RYR2: variants seen among roughly 807,000 people sequenced by gnomAD.
The protein encoded by RYR2 is ryanodine receptor 2, also known as cardiac muscle ryanodine receptor-calcium release channel.
In RYR2, 227 loss-of-function variants were observed where a neutral mutation model predicts 601.1. The ratio of observed to expected loss-of-function variants is 0.38; its 90% CI spans 0.34 to 0.42. The LOEUF (loss-of-function observed/expected upper bound fraction) is 0.42. Ranked by LOEUF, RYR2 falls within the 10% of genes least tolerant of loss-of-function variation. The probability of loss-of-function intolerance (pLI) is 1.00; values close to 1 mark genes in which losing one functional copy is unlikely to be tolerated. For missense variants in RYR2, 4,646 were observed against 6,156.5 expected, an observed-to-expected ratio of 0.75 and a Z score of 8.21; for synonymous variants, 2,223 against 2,175.1, an observed-to-expected ratio of 1.02 and a Z score of -0.61.
At chr1:237,248,062 A>G (rs878935851) in intron 1 of RYR2, among the ~76,000 whole-genome samples, 2 of 152,140 alleles carry the variant, frequency 1.3e-5, no homozygotes, top group Admixed American at 1.3e-4. Context: ...TCACGAGGTC[A>G]GAAGTTTGAG....
In RYR2 at chr1:237,792,207, G is replaced by A. The variant is rs189345192; in HGVS notation, c.13666G>A (p.Ala4556Thr). The A allele has an allele frequency of 1.3e-5, 21 of 1,613,644 alleles. No homozygotes were observed. Among genetic ancestry groups the A allele is most frequent in the South Asian group, 3.3e-5 (3 of 91,052 alleles). The change falls in exon 94 of 105, where the codon GCA becomes ACA. Residue 4556 changes from alanine (A) to threonine (T), a missense_variant. Transcript: ENST00000366574. The stretch of plus-strand genomic sequence containing the variant: ...GGACAGCAGCTCCCATAGAATCATC[G>A]CAGTTCACTATGTACTAGAGGAGAG... The part of the protein sequence containing the change: ...SLDSSSHRII[A>T]VHYVLEESSG...
rs1675030908 is a variant in RYR2, at chr1:237,590,489, C to T, written c.3808-151C>T. 7 of 575,444 alleles carry T rather than the reference C, an allele frequency of 1.2e-5. No homozygotes were observed. In the Admixed American group the frequency reaches 1.9e-4, roughly 16 times the overall value. The allele number at this position is 575,444 out of a possible 1,614,324, so 35.6% of individuals were successfully genotyped here. A position where few individuals can be genotyped will look rare whatever the true frequency, so the allele number is the denominator to read the frequency against. ...CAGAACTCTATGACTATATCCATAGCACAGTAATCTGTTTAATCATCTCTT... is the reference window on the plus strand; with the variant it reads ...CAGAACTCTATGACTATATCCATAGTACAGTAATCTGTTTAATCATCTCTT... On this transcript the variant is annotated intron_variant, in intron 30 of 104. Transcript: ENST00000366574.
At chr1:237,223,778 G>T (rs1400389778) in intron 1 of RYR2, among the ~76,000 whole-genome samples, 1 of 152,124 alleles carries the variant, frequency 6.6e-6, no homozygotes, top group Non-Finnish European at 1.5e-5. Flanking sequence ...TTGAAGAGCA[G>T]GTCTGAGTAA....
chr1:237,417,180 T>C (rs1052592946), intron 11 of RYR2, 57 bp downstream of exon 11: 21 of 1,368,118 alleles, frequency 1.5e-5, no homozygotes, highest in Admixed American at 3.5e-5. Context: ...TAGCTCAGCG[T>C]TGTGCTTCTG....
chr1:237,339,509 A>G (rs1315207938), intron 3 of RYR2, among the ~76,000 whole-genome samples: 1 of 152,174 alleles, frequency 6.6e-6, no homozygotes, highest in Non-Finnish European at 1.5e-5. Flanking sequence ...AGATAACCAC[A>G]GCTAAAAGAT....
chr1:237,301,735 G>T (rs188852844), intron 2 of RYR2, among the ~76,000 whole-genome samples: 1 of 152,266 alleles, frequency 6.6e-6, no homozygotes, highest in African/African-American at 2.4e-5. Flanking sequence ...CAGAGTTAAA[G>T]TGCTTGCCTT....
At chr1:237,201,912 G>C (rs1202730446) in intron 1 of RYR2, among the ~76,000 whole-genome samples, 1 of 152,132 alleles carries the variant, frequency 6.6e-6, no homozygotes, top group Non-Finnish European at 1.5e-5. Flanking sequence ...CATATCTACT[G>C]ATACACTGAA....
chr1:237,733,663 C>T (rs1384361247), intron 78 of RYR2, 42 bp from the exon 79 acceptor site: 2 of 1,377,612 alleles, frequency 1.5e-6, no homozygotes, highest in African/African-American at 1.4e-5. Context: ...ATGTGCCTAG[C>T]CTTCTGCTTA....
intron 67 of RYR2, among the ~76,000 whole-genome samples, chr1:237,705,958 A>G (rs1688337334): frequency 6.6e-6 from 1 of 152,200 alleles, no homozygotes; most frequent in Non-Finnish European, 1.5e-5. Context: ...AGCATTTGAA[A>G]GTTCAGCAAG....
intron 55 of RYR2, 26 bp from the exon 56 acceptor site, chr1:237,660,784 G>A (rs1401146660): frequency 4.6e-6 from 7 of 1,526,420 alleles, no homozygotes; most frequent in South Asian, 3.7e-5. Flanking sequence ...TAATATATCT[G>A]TTGTTTCTTG....
rs1338386727 is a variant in RYR2, at chr1:237,717,246, C to G, written c.10372C>G (p.Arg3458Gly). The G allele has an allele frequency of 6.2e-7, 1 of 1,613,542 alleles. No homozygotes were observed. The highest frequency in any genetic ancestry group is 8.5e-7 in the Non-Finnish European group (1 of 1,179,700). ...ERKKMKRKGDRYSMQTSLIVA... is the reference protein window; with the variant it reads ...ERKKMKRKGDGYSMQTSLIVA... The stretch of plus-strand genomic sequence containing the variant: ...GAAGAAAATGAAGCGCAAAGGAGAT[C>G]GGTATTCCATGCAGACCTCTCTGAT... The change falls in exon 72 of 105, where the codon CGG (arginine) becomes GGG (glycine). Residue 3458 changes from arginine (R) to glycine (G), a missense_variant. Physicochemically the swap from Arg to Gly is moderately radical, Grantham distance 125. Around this residue, in one of 17 missense-constraint regions of RYR2, gnomAD observed 1,497 missense variants for 1,842.6 expected, o/e 0.81. Coordinates refer to ENST00000366574, the MANE Select transcript of RYR2 (RefSeq NM_001035.3).
At chr1:237,353,857 T>A (rs966531792) in intron 3 of RYR2, among the ~76,000 whole-genome samples, 1 of 152,202 alleles carries the variant, frequency 6.6e-6, no homozygotes, top group Non-Finnish European at 1.5e-5. Context: ...TTCCTTTGTC[T>A]TATATGTTTT....
At chr1:237,392,089 G>A (rs1702434013) in intron 10 of RYR2, among the ~76,000 whole-genome samples, 1 of 152,026 alleles carries the variant, frequency 6.6e-6, no homozygotes, top group South Asian at 2.1e-4. Context: ...GTATAAGGGA[G>A]AGAGCTCATT....
chr1:237,408,438 G>C (rs1704126558), intron 10 of RYR2, among the ~76,000 whole-genome samples: 1 of 117,762 alleles, frequency 8.5e-6, no homozygotes, highest in Admixed American at 7.9e-5. Flanking sequence ...GTACTATTTG[G>C]GGAGAATGTC....
intron 1 of RYR2, among the ~76,000 whole-genome samples, chr1:237,099,216 A>G (rs1298899090): frequency 6.6e-6 from 1 of 151,994 alleles, no homozygotes; most frequent in Non-Finnish European, 1.5e-5. Flanking sequence ...AAGACCACAG[A>G]TGGCAAGCCA....
At chr1:237,201,359 C>G (rs896538609) in intron 1 of RYR2, among the ~76,000 whole-genome samples, 4 of 152,108 alleles carry the variant, frequency 2.6e-5, no homozygotes, top group African/African-American at 4.8e-5. Flanking sequence ...TTGTTTTTCC[C>G]TAATAGTTCT....
At chr1:237,772,135 G>T (rs750060135) in intron 86 of RYR2, 35 bp downstream of exon 86, 48 of 1,156,626 alleles carry the variant, frequency 4.1e-5, no homozygotes, top group Middle Eastern at 4.0e-4. Flanking sequence ...CAAATTAAAA[G>T]GGTTGGTATG....
intron 2 of RYR2, among the ~76,000 whole-genome samples, chr1:237,297,941 G>A (rs201301465): frequency 3.4e-5 from 2 of 58,702 alleles, no homozygotes; most frequent in Non-Finnish European, 7.4e-5. Flanking sequence ...TTTTTTTTTT[G>A]TAGAGGTGTG....
intron 56 of RYR2, among the ~76,000 whole-genome samples, chr1:237,663,682 C>T (rs1397122313): frequency 1.3e-5 from 2 of 152,134 alleles, no homozygotes; most frequent in Non-Finnish European, 2.9e-5. Context: ...GCTTGTCAAT[C>T]ACTTAAAAGA....
Sources: allele counts gnomAD v4.1 joint callset (sites outside exome capture counted in the v4.1 genomes callset), GRCh38; gene constraint gnomAD v4.1.1; regional missense constraint gnomAD v4.1.1; transcripts MANE v1.5; gene names NCBI Gene and HGNC (gene_info 2026-07-23, HGNC 2026-07-21).